The following PKP4 variants were observed in gnomAD, a reference collection of about 807,000 sequenced individuals.
PKP4 encodes the protein plakophilin-4.
In PKP4, 90 loss-of-function variants were observed where a neutral mutation model predicts 145.1. The ratio of observed to expected loss-of-function variants is 0.62; its 90% CI spans 0.52 to 0.74. The LOEUF is 0.74. PKP4 is among the 30% of genes least tolerant of loss of function. PKP4 has a pLI of 0.00. For missense variants in PKP4, 1,340 were observed against 1,482.7 expected, an observed-to-expected ratio of 0.90 and a Z score of 1.58; for synonymous variants, 563 against 577.2, an observed-to-expected ratio of 0.98 and a Z score of 0.35.
intron 2 of PKP4, among the ~76,000 whole-genome samples, chr2:158,552,245 T>C (rs2045695853): frequency 6.6e-6 from 1 of 152,236 alleles, no homozygotes; most frequent in South Asian, 2.1e-4. Context: ...CTACAGCCTC[T>C]GGAATGAGTA....
intron 9 of PKP4, among the ~76,000 whole-genome samples, chr2:158,640,045 T>C (rs1017234609): frequency 1.3e-5 from 2 of 152,226 alleles, no homozygotes; most frequent in East Asian, 3.8e-4. Flanking sequence ...TGCACACATA[T>C]ATAGAAAAAC....
intron 17 of PKP4, among the ~76,000 whole-genome samples, chr2:158,670,336 C>A (rs1284902567): frequency 6.6e-6 from 1 of 152,130 alleles, no homozygotes; most frequent in Non-Finnish European, 1.5e-5. Context: ...TTTCAGCTGT[C>A]CTTGCACGGT....
intron 2 of PKP4, among the ~76,000 whole-genome samples, chr2:158,556,652 T>C (rs1050243155): frequency 6.6e-6 from 1 of 152,030 alleles, no homozygotes; most frequent in African/African-American, 2.4e-5. Flanking sequence ...GTTTATCAGA[T>C]GAGAAACTGT....
intron 3 of PKP4, among the ~76,000 whole-genome samples, chr2:158,578,927 TTGTCAAACCTCAAAG>T (rs139632944): frequency 0.2 from 30,331 of 152,078 alleles, 3,897 homozygotes; most frequent in Middle Eastern, 0.36. Context: ...GTGAGAACAG[TTGTCAAACCTCAAAG>T]TAAGCACTAG....
chr2:158,604,266 G>A (rs565618636), intron 4 of PKP4, among the ~76,000 whole-genome samples: 2 of 152,250 alleles, frequency 1.3e-5, no homozygotes, highest in East Asian at 3.9e-4. Flanking sequence ...CAACACAAGT[G>A]TCACGGGAAG....
intron 2 of PKP4, among the ~76,000 whole-genome samples, chr2:158,542,878 T>C (rs1008681209): frequency 3.3e-5 from 5 of 152,164 alleles, no homozygotes; most frequent in African/African-American, 1.2e-4. Context: ...GAGTAAGATA[T>C]GAGAATCAGT....
intron 2 of PKP4, among the ~76,000 whole-genome samples, chr2:158,551,517 TAACCA>T (rs1333957061): frequency 1.3e-5 from 2 of 152,166 alleles, no homozygotes; most frequent in Admixed American, 1.3e-4. Flanking sequence ...GACTGAAACA[TAACCA>T]AGAGTTAAAA....
At chr2:158,564,632 C>T (rs1006271749) in intron 2 of PKP4, among the ~76,000 whole-genome samples, 3 of 152,254 alleles carry the variant, frequency 2.0e-5, no homozygotes, top group South Asian at 2.1e-4. Context: ...GCCCATTTCC[C>T]CCCAGTTCCT....
At chr2:158,560,759 C>T (rs550684075) in intron 2 of PKP4, among the ~76,000 whole-genome samples, 3 of 152,326 alleles carry the variant, frequency 2.0e-5, no homozygotes, top group Admixed American at 2.0e-4. Flanking sequence ...ATGTACTTCA[C>T]ACCCAACTCC....
chr2:158,558,671 T>G (rs2046287636), intron 2 of PKP4, among the ~76,000 whole-genome samples: 3 of 151,854 alleles, frequency 2.0e-5, no homozygotes, highest in Admixed American at 1.3e-4. Context: ...TTGAAATAAG[T>G]GTGTCTGGAA....
At chr2:158,527,296 C>T (rs988415942) in intron 1 of PKP4, among the ~76,000 whole-genome samples, 2 of 145,708 alleles carry the variant, frequency 1.4e-5, no homozygotes, top group African/African-American at 2.6e-5. Flanking sequence ...AGATATAGAT[C>T]AATGGAACAG....
intron 1 of PKP4, among the ~76,000 whole-genome samples, chr2:158,497,795 T>C (rs1337510915): frequency 6.6e-6 from 1 of 152,236 alleles, no homozygotes; most frequent in Non-Finnish European, 1.5e-5. Context: ...GTTGCTATTA[T>C]AGCATTAACT....
In PKP4 at chr2:158,484,204, C is replaced by G. The variant is rs35580203; in HGVS notation, c.-6+26986C>G. On this transcript the variant is annotated intron_variant, in intron 1 of 21. Coordinates refer to ENST00000389759, the MANE Select transcript of PKP4 (RefSeq NM_003628.6). ...CTGGGACTACAGGCGCCCGCCACCG[C>G]GCCCGGCTAATTTTTTGTATTTTTA... 3.3e-5 allele frequency among the ~76,000 whole-genome samples: 5 copies of G among 151,970 alleles called. No individual in the cohort carries two copies. The East Asian group carries it at 9.7e-4, about 29-fold the overall frequency.
chr2:158,475,604 G>A (rs1692341916), intron 1 of PKP4, among the ~76,000 whole-genome samples: 1 of 152,196 alleles, frequency 6.6e-6, no homozygotes. Context: ...TGTTGGGGCA[G>A]GTAAGAAGTG....
At chr2:158,506,350 C>T (rs1282694788) in intron 1 of PKP4, among the ~76,000 whole-genome samples, 1 of 152,198 alleles carries the variant, frequency 6.6e-6, no homozygotes, top group African/African-American at 2.4e-5. Flanking sequence ...TGCTCCCTCC[C>T]AAGGGTATTT....
chr2:158,595,451 G>A (rs551370671), intron 3 of PKP4, among the ~76,000 whole-genome samples: 5 of 152,162 alleles, frequency 3.3e-5, no homozygotes, highest in South Asian at 2.1e-4. Flanking sequence ...TTCAAAAAGC[G>A]GTATTCTCAG....
chr2:158,458,257 TC>T (rs763574292), intron 1 of PKP4: 1 of 152,812 alleles, frequency 6.5e-6, no homozygotes, highest in Non-Finnish European at 1.5e-5. Context: ...GCGCCTTCCC[TC>T]CCCAGCTCTC....
Position 158,508,366 on chromosome 2 carries a change from CAAAAAAA to C in PKP4, c.-5-24798_-5-24792del, listed in dbSNP as rs747754927. Among the ~76,000 whole-genome samples the C allele has an allele frequency of 8.0e-3, 931 of 115,890 alleles. 8 individuals are homozygous for C. The highest frequency in any genetic ancestry group is 0.024 in the African/African-American group (780 of 32,566). 76.0% of individuals were successfully genotyped at this position (115,890 alleles called of 152,430 possible). On this transcript the variant is annotated intron_variant, in intron 1 of 21. Coordinates refer to ENST00000389759, the MANE Select transcript of PKP4 (RefSeq NM_003628.6). ...GGGCAACAAGAGCAAAACTCCGTCT[CAAAAAAA>C]AAAAAAAAAAAAAAAGAAGAAGAAG... is the stretch of plus-strand genomic sequence containing the variant.
At chr2:158,647,279 C>T (rs2054922245) in intron 11 of PKP4, among the ~76,000 whole-genome samples, 1 of 152,178 alleles carries the variant, frequency 6.6e-6, no homozygotes. Flanking sequence ...TTATAGTCAA[C>T]TTAGGATCAT....
Sources: allele counts gnomAD v4.1 joint callset (sites outside exome capture counted in the v4.1 genomes callset), GRCh38; gene constraint gnomAD v4.1.1; transcripts MANE v1.5; gene names NCBI Gene and HGNC (gene_info 2026-07-23, HGNC 2026-07-21).